The following CLASRP variants were observed in gnomAD, a reference collection of about 807,000 sequenced individuals.
The protein encoded by CLASRP is CLK4 associating serine/arginine rich protein.
A neutral mutation model predicts 99.9 loss-of-function variants in CLASRP; 52 were observed. The observed-to-expected ratio is 0.52, with a 90% CI of 0.42 to 0.66. CLASRP has a LOEUF of 0.66. CLASRP is among the 30% of genes least tolerant of loss of function. CLASRP has a pLI of 0.00. For synonymous variants in CLASRP, 379 were observed against 373.0 expected, an observed-to-expected ratio of 1.02 and a Z score of -0.18; for missense variants, 848 against 999.2, an observed-to-expected ratio of 0.85 and a Z score of 2.04.
At position 45,064,348 on chromosome 19, in the gene CLASRP, G is replaced by GCTC. The variant is rs756241064; in HGVS notation, c.1149_1151dup (p.Ser385dup). On this transcript the variant is annotated inframe_insertion, in exon 13 of 21. Coordinates refer to ENST00000221455, the MANE Select transcript of CLASRP (RefSeq NM_007056.3). ...CCTCCGTGCCCCGCCTGCAGCCGCC[G>GCTC]CTCCTCCTCCTCCTCCTCCTCCTCT... 670 of 1,525,780 alleles carry GCTC rather than the reference G, an allele frequency of 4.4e-4. No homozygotes were observed. The highest frequency in any genetic ancestry group is 9.1e-4 in the African/African-American group (66 of 72,540). 94.5% of individuals were successfully genotyped at this position (1,525,780 alleles called of 1,614,324 possible). A position where few individuals can be genotyped will look rare whatever the true frequency, so the allele number is the denominator to read the frequency against.
chr19:45,039,244 C>T (rs1267943120), intron 1 of CLASRP, 136 bp downstream of exon 1: 1 of 152,492 alleles, frequency 6.6e-6, no homozygotes, highest in African/African-American at 2.4e-5. Context: ...TCCCTCACCC[C>T]ATTAGGCCTG....
intron 2 of CLASRP, among the ~76,000 whole-genome samples, chr19:45,041,820 C>T (rs1444262199): frequency 6.6e-6 from 1 of 152,218 alleles, no homozygotes; most frequent in African/African-American, 2.4e-5. Flanking sequence ...CTGCCTTGTT[C>T]CTTTGCACAA....
chr19:45,062,764 A>T (rs963990591), intron 11 of CLASRP, among the ~76,000 whole-genome samples: 1 of 152,180 alleles, frequency 6.6e-6, no homozygotes, highest in African/African-American at 2.4e-5. Context: ...AAAATGACCA[A>T]ATATGGCAAA....
chr19:45,067,245 A>G lies in CLASRP; in HGVS notation c.1410-92A>G. 1 of 1,367,186 alleles carries G rather than the reference A, an allele frequency of 7.3e-7. No individual in the cohort carries two copies. Among genetic ancestry groups the G allele is most frequent in the Non-Finnish European group, 9.6e-7 (1 of 1,038,668 alleles). 84.7% of individuals were successfully genotyped at this position (1,367,186 alleles called of 1,614,324 possible). On this transcript the variant is annotated intron_variant, in intron 13 of 20. Transcript: ENST00000221455. This position sits in a 1 kb window ranked among gnomAD's most constrained non-coding sequence, Gnocchi z 4.9. ...TCGAGCCTGTCACCCTGGGCCTTGC[A>G]GGAAGGAGGACTGTGGATCCGGACC...
chr19:45,043,195 T>TGTGTGTG (rs373093839), intron 2 of CLASRP, among the ~76,000 whole-genome samples: 5 of 134,690 alleles, frequency 3.7e-5, no homozygotes, highest in Admixed American at 3.1e-4. Flanking sequence ...AAGGAATACT[T>TGTGTGTG]TGTGTGTGTG....
chr19:45,059,456 T>C (rs1262621612), intron 8 of CLASRP, 92 bp downstream of exon 8: 1 of 1,085,586 alleles, frequency 9.2e-7, no homozygotes, highest in East Asian at 2.6e-5. Flanking sequence ...ATCCTGTTTG[T>C]GAGCATTTGT....
intron 18 of CLASRP, 125 bp downstream of exon 18, chr19:45,069,373 C>T (rs1414144493): frequency 4.1e-6 from 4 of 974,218 alleles, no homozygotes; most frequent in African/African-American, 1.6e-5. Flanking sequence ...AGATCCCTGC[C>T]TGGCCCTCGG....
At chr19:45,061,731 C>A (rs970037425) in intron 10 of CLASRP, among the ~76,000 whole-genome samples, 2 of 152,116 alleles carry the variant, frequency 1.3e-5, no homozygotes, top group Admixed American at 1.3e-4. Context: ...ACCTCAGCCT[C>A]CCAGAGTGCT....
intron 16 of CLASRP, 37 bp downstream of exon 16, chr19:45,068,517 C>T (rs758973002): frequency 6.6e-7 from 1 of 1,506,206 alleles, no homozygotes; most frequent in South Asian, 1.1e-5. Context: ...TTTCACAGCT[C>T]TTCTTTCCCT....
At position 45,044,211 on chromosome 19, in the gene CLASRP, C is replaced by T. The variant is rs756053585; in HGVS notation, c.99+3900C>T. Reference sequence around the variant, plus strand: ...TGCCATTTATTAAGGGCCCATGGTGCGCCAGACCCAGTGCTCACCAGCTTG... The same window carrying T: ...TGCCATTTATTAAGGGCCCATGGTGTGCCAGACCCAGTGCTCACCAGCTTG... On this transcript the variant is annotated intron_variant, in intron 2 of 20. Coordinates refer to ENST00000221455, the MANE Select transcript of CLASRP (RefSeq NM_007056.3). 4.0e-4 allele frequency among the ~76,000 whole-genome samples: 61 copies of T among 152,194 alleles called. 1 individual carries two copies. Among genetic ancestry groups the T allele is most frequent in the Non-Finnish European group, 7.5e-4 (51 of 68,020 alleles).
intron 5 of CLASRP, among the ~76,000 whole-genome samples, chr19:45,053,682 A>G (rs1418905383): frequency 6.6e-6 from 1 of 151,984 alleles, no homozygotes. Context: ...GTTTCGCCAT[A>G]TTGGCCAGGC....
chr19:45,068,212 C>G (rs1967138147), intron 15 of CLASRP, 158 bp downstream of exon 15: 6 of 692,742 alleles, frequency 8.7e-6, no homozygotes, highest in African/African-American at 1.8e-5. Flanking sequence ...AGAACCATGT[C>G]CCTCTCCCCT....
chr19:45,066,797 G>T (rs2122607628), intron 13 of CLASRP, among the ~76,000 whole-genome samples: 1 of 152,126 alleles, frequency 6.6e-6, no homozygotes, highest in Non-Finnish European at 1.5e-5. Context: ...TGGGCAGTGG[G>T]TGGAGAGTCC....
chr19:45,057,694 C>T (rs1464245000), intron 6 of CLASRP, 56 bp from the exon 7 acceptor site: 6 of 1,604,214 alleles, frequency 3.7e-6, no homozygotes, highest in Non-Finnish European at 5.1e-6. Context: ...TGGGGCTAGC[C>T]TGGGGCCCTC....
intron 5 of CLASRP, 152 bp from the exon 6 acceptor site, chr19:45,056,298 C>T: frequency 4.5e-6 from 3 of 665,654 alleles, no homozygotes; most frequent in Non-Finnish European, 5.4e-6. Flanking sequence ...TGTGTCCCAC[C>T]AGACATAGTT....
At position 45,052,102 on chromosome 19, in the gene CLASRP, A is replaced by G. The variant is rs1483820382; in HGVS notation, c.131A>G (p.His44Arg). ...GACCCAGCCCAGTTCCTGCAGGTACATGGCCGAGCTTGCAAGGTGCACCTG... is the reference window on the plus strand; with the variant it reads ...GACCCAGCCCAGTTCCTGCAGGTACGTGGCCGAGCTTGCAAGGTGCACCTG... Reference protein sequence around the residue: ...KKDPAQFLQVHGRACKVHLDS... With the variant: ...KKDPAQFLQVRGRACKVHLDS... Residue 44 changes from histidine to arginine, a missense_variant, in exon 3 of 21, where the codon CAT becomes CGT. Around this residue, in one of 8 missense-constraint regions of CLASRP, gnomAD observed 46 missense variants for 96.8 expected, o/e 0.48. Transcript: ENST00000221455. The G allele has an allele frequency of 2.5e-6, 4 of 1,613,984 alleles. No homozygotes were observed. The highest frequency in any genetic ancestry group is 1.7e-5 in the Admixed American group (1 of 59,998).
Position 45,046,766 on chromosome 19 carries a change from G to A in CLASRP, c.100-5305G>A, listed in dbSNP as rs8104745. 7.6e-3 allele frequency among the ~76,000 whole-genome samples: 1,152 copies of A among 152,324 alleles called. 8 individuals are homozygous for A. The highest frequency in any genetic ancestry group is 0.012 in the Non-Finnish European group (791 of 68,026). ...TTTTGGGCCGGGCGCGGTAGCTCAC[G>A]CCTGTAATCCCAACACTTTGGGAGG... On this transcript the variant is annotated intron_variant, in intron 2 of 20. Coordinates refer to ENST00000221455, the MANE Select transcript of CLASRP (RefSeq NM_007056.3).
At position 45,059,432 on chromosome 19, in the gene CLASRP, C is replaced by A. The variant is rs555648853; in HGVS notation, c.710+68C>A. ...CACCCTGGCATCTCACTATTACTCC[C>A]GGTATTGACAGCCATCCTGTTTGTG... On this transcript the variant is annotated intron_variant, in intron 8 of 20. Coordinates refer to ENST00000221455, the MANE Select transcript of CLASRP (RefSeq NM_007056.3). 3.9e-6 allele frequency: 5 copies of A among 1,275,900 alleles called. No individual in the cohort carries two copies. In the African/African-American group the frequency reaches 7.4e-5, roughly 19 times the overall value. The allele number at this position is 1,275,900 out of a possible 1,614,324, so 79.0% of individuals were successfully genotyped here. A position where few individuals can be genotyped will look rare whatever the true frequency, so the allele number is the denominator to read the frequency against.
At position 45,060,515 on chromosome 19, in the gene CLASRP, G is replaced by A; in HGVS notation, c.790-39G>A. On this transcript the variant is annotated intron_variant, in intron 9 of 20. Transcript: ENST00000221455. The surrounding 1 kb of genome is among the most constrained non-coding windows in gnomAD (Gnocchi z 4.6). ...AGGGGACAGGGGTGTGTCACAGGGA[G>A]GGCACCCCCTCACCAACCTGGCACC... 1 of 1,613,016 alleles carries A rather than the reference G, an allele frequency of 6.2e-7. No homozygotes were observed. The highest frequency in any genetic ancestry group is 8.5e-7 in the Non-Finnish European group (1 of 1,179,016).
Sources: gnomAD v4.1 joint callset for allele counts (sites outside exome capture counted in the v4.1 genomes callset) on GRCh38, gnomAD v4.1.1 for gene constraint, gnomAD v4.1.1 regional missense constraint, Gnocchi (gnomAD v3.1) non-coding constraint, MANE v1.5 for transcripts, NCBI Gene and HGNC (gene_info 2026-07-23, HGNC 2026-07-21) for gene names.